ZFC3H1: variants seen among roughly 807,000 people sequenced by gnomAD.
The protein encoded by ZFC3H1 is zinc finger C3H1-type containing, also known as zinc finger C3H1 domain-containing protein.
ZFC3H1 carries 71 observed loss-of-function variants against 243.7 expected under a neutral mutation model. The ratio of observed to expected loss-of-function variants is 0.29; its 90% CI spans 0.24 to 0.36. The LOEUF (loss-of-function observed/expected upper bound fraction) is 0.36, where lower values mean the gene tolerates loss of function less well. ZFC3H1 is among the 10% of genes least tolerant of loss of function. ZFC3H1 has a pLI of 1.00. For missense variants in ZFC3H1, 1,966 were observed against 2,317.1 expected, an observed-to-expected ratio of 0.85 and a Z score of 3.11; for synonymous variants, 838 against 813.0, an observed-to-expected ratio of 1.03 and a Z score of -0.52.
At chr12:71,621,575 G>A (rs1880030114) in intron 24 of ZFC3H1, among the ~76,000 whole-genome samples, 1 of 151,864 alleles carries the variant, frequency 6.6e-6, no homozygotes, top group African/African-American at 2.4e-5. Context: ...TCAAGTGCTG[G>A]GATTACAGAT....
At chr12:71,654,567 A>G (rs1039585592) in intron 2 of ZFC3H1, among the ~76,000 whole-genome samples, 1 of 152,248 alleles carries the variant, frequency 6.6e-6, no homozygotes, top group African/African-American at 2.4e-5. Flanking sequence ...TTTCGGGGAA[A>G]GAGTAAGGTT....
chr12:71,661,070 G>A (rs776348540), intron 1 of ZFC3H1, among the ~76,000 whole-genome samples: 2 of 152,026 alleles, frequency 1.3e-5, no homozygotes, highest in African/African-American at 2.4e-5. Context: ...TTGGGAGGCC[G>A]AGGTGGGCGG....
rs2304273 is a variant in ZFC3H1 at position 71,627,879 on chromosome 12, T to C, written c.4002A>G (p.Pro1334=). The C allele has an allele frequency of 3.1e-6, 5 of 1,613,682 alleles. No homozygotes were observed. The highest frequency in any genetic ancestry group is 4.2e-6 in the Non-Finnish European group (5 of 1,179,858). ...CATTTGTAAAGTATCTGACATCATC[T>C]GGAGTGACAACTGTATCCAGAGCTG... ...NVPALDTVVT[P]DDVRYFTNET... is the part of the protein sequence containing the mutation. The change falls in exon 21 of 35, where the codon CCA becomes CCG. Residue 1334 remains proline, a synonymous_variant. Coordinates refer to ENST00000378743, the MANE Select transcript of ZFC3H1 (RefSeq NM_144982.5).
At chr12:71,633,083 CAA>C in intron 13 of ZFC3H1, 66 bp from the exon 14 acceptor site, 2 of 1,508,646 alleles carry the variant, frequency 1.3e-6, no homozygotes, top group Non-Finnish European at 1.8e-6. Flanking sequence ...TTCTTCTTCT[CAA>C]ACACCGTGGC....
In ZFC3H1 at chr12:71,663,276, G is replaced by T; in HGVS notation, c.335C>A (p.Ser112Tyr). The T allele has an allele frequency of 6.2e-7, 1 of 1,613,578 alleles. No homozygotes were observed. The change falls in exon 1 of 35, where the codon TCT becomes TAT. Residue 112 changes from serine to tyrosine, a missense_variant. Physicochemically the swap from Ser to Tyr is moderately radical, Grantham distance 144. Transcript: ENST00000378743. ...AGGCATCCGTACAGAAGGCGGATGA[G>T]ACCGGAACGGTTCTTTGGGTCGGTA... ...SSYRPKEPFR[S>Y]HPPSVRMPSS...
At chr12:71,646,120 T>C (rs2137550288) in intron 3 of ZFC3H1, among the ~76,000 whole-genome samples, 1 of 152,334 alleles carries the variant, frequency 6.6e-6, no homozygotes, top group East Asian at 1.9e-4. Context: ...AAGAAAACAG[T>C]GGATACTAAC....
Position 71,658,863 on chromosome 12 carries a change from A to T in ZFC3H1, c.599-1562T>A, listed in dbSNP as rs116393987. On this transcript the variant is annotated intron_variant, in intron 1 of 34. Coordinates refer to ENST00000378743, the MANE Select transcript of ZFC3H1 (RefSeq NM_144982.5). ...CCTGAAAGAAAACTAGTTTCTCTGT[A>T]CCCTTCTTACCAAATGGAATCTGGT... Among the ~76,000 whole-genome samples, 669 of 152,208 alleles carry T rather than the reference A, an allele frequency of 4.4e-3. 5 individuals carry two copies. The highest frequency in any genetic ancestry group is 0.015 in the African/African-American group (643 of 41,528).
chr12:71,662,925 CAA>C (rs879260805), intron 1 of ZFC3H1, 86 bp downstream of exon 1: 34 of 1,334,302 alleles, frequency 2.5e-5, no homozygotes, highest in Non-Finnish European at 3.4e-5. Flanking sequence ...TCTGATGATT[CAA>C]AGTTACACTC....
chr12:71,618,290 A>G (rs1016753713), intron 27 of ZFC3H1, among the ~76,000 whole-genome samples: 1 of 149,398 alleles, frequency 6.7e-6, no homozygotes, highest in African/African-American at 2.4e-5. Flanking sequence ...AAAAAAAAAA[A>G]CAAAAACAAA....
chr12:71,647,676 T>C (rs1163639088), intron 3 of ZFC3H1, 73 bp downstream of exon 3: 22 of 814,308 alleles, frequency 2.7e-5, no homozygotes, highest in Non-Finnish European at 4.1e-5. Context: ...AGACTTCCCT[T>C]ACAAAAGAAC....
At chr12:71,660,892 C>G (rs1446527333) in intron 1 of ZFC3H1, among the ~76,000 whole-genome samples, 1 of 151,974 alleles carries the variant, frequency 6.6e-6, no homozygotes, top group Admixed American at 6.6e-5. Context: ...GAAGGAGGAT[C>G]TCTTGAAGCT....
intron 27 of ZFC3H1, among the ~76,000 whole-genome samples, chr12:71,618,068 C>G (rs140807626): frequency 6.6e-6 from 1 of 152,132 alleles, no homozygotes; most frequent in African/African-American, 2.4e-5. Flanking sequence ...AGTTCGAGAC[C>G]ATCCTGGGTA....
chr12:71,642,492 T>C lies in ZFC3H1; in HGVS notation c.1571A>G (p.Gln524Arg). 1 of 1,613,682 alleles carries C rather than the reference T, an allele frequency of 6.2e-7. No individual in the cohort carries two copies. The highest frequency in any genetic ancestry group is 8.5e-7 in the Non-Finnish European group (1 of 1,179,802). The change falls in exon 6 of 35, where the codon CAG (glutamine) becomes CGG (arginine). Residue 524 changes from glutamine to arginine, a missense_variant. Gln to Arg is a conservative substitution (Grantham distance 43). Coordinates refer to ENST00000378743, the MANE Select transcript of ZFC3H1 (RefSeq NM_144982.5). The stretch of plus-strand genomic sequence containing the variant: ...AGCAACTTCTTCATAGTTATCATAC[T>C]GATAAATGCCTCCTCCACTATCAGT... ...QPTDSGGGIY[Q>R]YDNYEEVAMD...
In ZFC3H1 at chr12:71,610,019, A is replaced by G. The variant is rs551860038; in HGVS notation, c.*409T>C. The stretch of plus-strand genomic sequence containing the variant: ...AGGGACTGCCTGCTTTTTTTACTGT[A>G]AACACAGCCCTGGATATTAAATCCC... On this transcript the variant is annotated 3_prime_UTR_variant, in exon 35 of 35. Coordinates refer to ENST00000378743, the MANE Select transcript of ZFC3H1 (RefSeq NM_144982.5). The G allele has an allele frequency of 1.3e-5, 2 of 153,634 alleles. No homozygotes were observed. Among genetic ancestry groups the G allele is most frequent in the African/African-American group, 4.8e-5 (2 of 41,482 alleles). 9.5% of individuals were successfully genotyped at this position (153,634 alleles called of 1,614,324 possible). A position where few individuals can be genotyped will look rare whatever the true frequency, so the allele number is the denominator to read the frequency against.
chr12:71,633,670 T>C (rs927202815), intron 12 of ZFC3H1, among the ~76,000 whole-genome samples: 1 of 152,074 alleles, frequency 6.6e-6, no homozygotes, highest in African/African-American at 2.4e-5. Context: ...AATTTAAGCC[T>C]GAGGTAACGT....
intron 2 of ZFC3H1, among the ~76,000 whole-genome samples, chr12:71,652,490 T>C (rs1455827164): frequency 1.3e-5 from 2 of 152,198 alleles, no homozygotes; most frequent in Admixed American, 6.5e-5. Flanking sequence ...TTAATCTCAA[T>C]GCCCTTAAAA....
intron 6 of ZFC3H1, among the ~76,000 whole-genome samples, chr12:71,640,583 G>T (rs1880576259): frequency 6.6e-6 from 1 of 152,184 alleles, no homozygotes; most frequent in African/African-American, 2.4e-5. Context: ...CACCCCCAAG[G>T]CCATGCAACT....
chr12:71,662,292 C>A (rs1226631792), intron 1 of ZFC3H1, among the ~76,000 whole-genome samples: 1 of 152,208 alleles, frequency 6.6e-6, no homozygotes, highest in Non-Finnish European at 1.5e-5. Flanking sequence ...ACACATTCCT[C>A]CACTCTAACG....
intron 10 of ZFC3H1, 123 bp from the exon 11 acceptor site, chr12:71,634,948 A>T: frequency 8.8e-7 from 1 of 1,132,706 alleles, no homozygotes; most frequent in Non-Finnish European, 1.2e-6. Flanking sequence ...CCTGAATGTC[A>T]TCATTTTCTA....
Sources: gnomAD v4.1 joint callset for allele counts (sites outside exome capture counted in the v4.1 genomes callset) on GRCh38, gnomAD v4.1.1 for gene constraint, MANE v1.5 for transcripts, NCBI Gene and HGNC (gene_info 2026-07-23, HGNC 2026-07-21) for gene names.